The following VOPP1 variants were observed in gnomAD, a reference collection of about 807,000 sequenced individuals.
The protein encoded by VOPP1 is WW domain binding protein VOPP1.
A neutral mutation model predicts 23.5 loss-of-function variants in VOPP1; 8 were observed. The ratio of observed to expected loss-of-function variants is 0.34; its 90% CI spans 0.20 to 0.61. The LOEUF is 0.61. Ranked by LOEUF, VOPP1 falls within the 20% of genes least tolerant of loss-of-function variation. VOPP1 has a pLI of 0.78. For missense variants in VOPP1, 174 were observed against 238.1 expected (o/e 0.73, Z 1.77); for synonymous variants, 83 against 97.3 (o/e 0.85, Z 0.86).
At chr7:55,473,103 T>C (rs1791961895) in intron 4 of VOPP1, 58 bp from the exon 5 acceptor site, 1 of 1,554,324 alleles carries the variant, frequency 6.4e-7, no homozygotes, top group African/African-American at 1.4e-5. Flanking sequence ...ACACCGCAAG[T>C]ATGTGCAGGC....
At chr7:55,500,339 C>T (rs974488851) in intron 2 of VOPP1, among the ~76,000 whole-genome samples, 1 of 152,238 alleles carries the variant, frequency 6.6e-6, no homozygotes, top group Non-Finnish European at 1.5e-5. Context: ...ATAGCAGCCA[C>T]GTGAGAGGGC....
At chr7:55,509,289 T>C (rs1334599319) in intron 2 of VOPP1, among the ~76,000 whole-genome samples, 2 of 152,086 alleles carry the variant, frequency 1.3e-5, no homozygotes, top group Admixed American at 6.6e-5. Context: ...GCTTGGGTAA[T>C]TTATAAACAA....
At chr7:55,462,391 A>G (rs1230588519) in intron 4 of VOPP1, among the ~76,000 whole-genome samples, 4 of 152,172 alleles carry the variant, frequency 2.6e-5, no homozygotes, top group African/African-American at 9.7e-5. Context: ...CTGGATGTCT[A>G]GATCTCTTCC....
chr7:55,441,786 C>G (rs1790972003), intron 4 of VOPP1, among the ~76,000 whole-genome samples: 1 of 152,154 alleles, frequency 6.6e-6, no homozygotes, highest in Non-Finnish European at 1.5e-5. Context: ...CTGGGAATAG[C>G]AGTCCCTCCC....
chr7:55,520,628 A>G (rs572887849), intron 2 of VOPP1, among the ~76,000 whole-genome samples: 1 of 152,362 alleles, frequency 6.6e-6, no homozygotes, highest in African/African-American at 2.4e-5. Flanking sequence ...CCTCAGAGAC[A>G]GGCGATCATT....
At chr7:55,507,786 G>A (rs1281449305) in intron 2 of VOPP1, among the ~76,000 whole-genome samples, 1 of 152,038 alleles carries the variant, frequency 6.6e-6, no homozygotes, top group Non-Finnish European at 1.5e-5. Flanking sequence ...GTGTTGAGAC[G>A]TGTGGTCCCA....
intron 1 of VOPP1, among the ~76,000 whole-genome samples, chr7:55,555,511 G>C (rs886759533): frequency 3.3e-5 from 5 of 152,198 alleles, no homozygotes; most frequent in Non-Finnish European, 2.9e-5. Flanking sequence ...GGACACAGTG[G>C]GGGTAACCAC....
At chr7:55,538,089 C>T (rs1017421014) in intron 1 of VOPP1, among the ~76,000 whole-genome samples, 1 of 152,340 alleles carries the variant, frequency 6.6e-6, no homozygotes, top group Admixed American at 6.5e-5. Flanking sequence ...TTTAGGGCTT[C>T]GAGACACCTC....
At chr7:55,556,747 T>G (rs1019180518) in intron 1 of VOPP1, among the ~76,000 whole-genome samples, 5 of 152,166 alleles carry the variant, frequency 3.3e-5, no homozygotes, top group African/African-American at 1.2e-4. Flanking sequence ...CTTCTTTTTC[T>G]TGCTCTGTAC....
At chr7:55,546,523 T>G (rs1040219446) in intron 1 of VOPP1, among the ~76,000 whole-genome samples, 3 of 152,212 alleles carry the variant, frequency 2.0e-5, no homozygotes, top group Non-Finnish European at 4.4e-5. Flanking sequence ...AATAGCAATA[T>G]ACCAATGTTG....
chr7:55,495,748 T>A (rs1225239425), intron 3 of VOPP1, among the ~76,000 whole-genome samples: 5 of 152,226 alleles, frequency 3.3e-5, no homozygotes, highest in Non-Finnish European at 7.4e-5. Context: ...AGAAAATGCA[T>A]GGGGTGAACC....
chr7:55,542,292 T>C (rs1390960455), intron 1 of VOPP1, among the ~76,000 whole-genome samples: 1 of 152,220 alleles, frequency 6.6e-6, no homozygotes, highest in African/African-American at 2.4e-5. Flanking sequence ...TTCCAGCTAT[T>C]TTGAAATATA....
intron 4 of VOPP1, among the ~76,000 whole-genome samples, chr7:55,476,964 C>T (rs933707254): frequency 6.6e-6 from 1 of 152,238 alleles, no homozygotes; most frequent in Non-Finnish European, 1.5e-5. Context: ...TGCCTGGATC[C>T]GGTCTGCCCT....
At chr7:55,502,206 T>C (rs780561419) in intron 2 of VOPP1, among the ~76,000 whole-genome samples, 28 of 152,230 alleles carry the variant, frequency 1.8e-4, no homozygotes, top group Non-Finnish European at 3.5e-4. Context: ...AGAGCCCTCG[T>C]CCAGAATTAA....
intron 1 of VOPP1, among the ~76,000 whole-genome samples, chr7:55,521,429 T>C (rs1408344536): frequency 6.6e-6 from 1 of 152,252 alleles, no homozygotes; most frequent in African/African-American, 2.4e-5. Context: ...GTACTTGGTA[T>C]GATACTTCAG....
intron 1 of VOPP1, among the ~76,000 whole-genome samples, chr7:55,531,596 C>A (rs1355329827): frequency 1.3e-5 from 2 of 152,166 alleles, no homozygotes. Context: ...AGGGGATCCG[C>A]CCACCTCGGC....
intron 4 of VOPP1, among the ~76,000 whole-genome samples, chr7:55,463,381 C>T (rs776732399): frequency 1.2e-4 from 19 of 152,174 alleles, no homozygotes; most frequent in Non-Finnish European, 2.4e-4. Context: ...CATATTTGTG[C>T]ATCTGGTGTA....
chr7:55,445,611 G>A (rs955151804), intron 4 of VOPP1, among the ~76,000 whole-genome samples: 2 of 151,992 alleles, frequency 1.3e-5, no homozygotes, highest in Admixed American at 1.3e-4. Flanking sequence ...GTTTTTAATG[G>A]TGCTGACTTT....
intron 2 of VOPP1, among the ~76,000 whole-genome samples, chr7:55,506,567 C>T (rs566305748): frequency 6.6e-6 from 1 of 151,100 alleles, no homozygotes; most frequent in Non-Finnish European, 1.5e-5. Flanking sequence ...AAACTCCTGA[C>T]CTCAGGTGAT....
Sources: gnomAD v4.1 joint callset for allele counts (sites outside exome capture counted in the v4.1 genomes callset) on GRCh38, gnomAD v4.1.1 for gene constraint, MANE v1.5 for transcripts, NCBI Gene and HGNC (gene_info 2026-07-23, HGNC 2026-07-21) for gene names.